The following SMYD3 variants were observed in gnomAD, a reference collection of about 807,000 sequenced individuals.
SMYD3 encodes the protein SET and MYND domain containing 3.
SMYD3 carries 36 observed loss-of-function variants against 57.7 expected under a neutral mutation model. That is an observed-to-expected ratio of 0.62 (90% CI 0.48 to 0.82). The LOEUF (loss-of-function observed/expected upper bound fraction) is 0.82, where lower values mean the gene tolerates loss of function less well. SMYD3 is among the 40% of genes least tolerant of loss of function. The pLI is 0.00. For synonymous variants in SMYD3, 211 were observed against 195.0 expected (o/e 1.08, Z -0.68); for missense variants, 515 against 538.8 (o/e 0.96, Z 0.44).
intron 1 of SMYD3, among the ~76,000 whole-genome samples, chr1:246,459,612 C>T (rs1449088633): frequency 1.3e-5 from 2 of 152,192 alleles, no homozygotes; most frequent in Non-Finnish European, 2.9e-5. Flanking sequence ...GCTTCCTGTA[C>T]AGCCTGCGGA....
rs35215737 is a variant in SMYD3, at chr1:245,833,059, CAA to C, written c.1076+25435_1076+25436del. On this transcript the variant is annotated intron_variant, in intron 10 of 11. Coordinates refer to ENST00000490107, the MANE Select transcript of SMYD3 (RefSeq NM_001167740.2). Reference sequence around the variant, plus strand: ...TTTAATTACTGCCCGGAATATGTGACAAAAAAAAAAAAAAAACCTGCTTTTAT... The same window carrying C: ...TTTAATTACTGCCCGGAATATGTGACAAAAAAAAAAAAAACCTGCTTTTAT... 3.2e-3 allele frequency among the ~76,000 whole-genome samples: 131 copies of C among 40,884 alleles called. 5 individuals are homozygous for C. The highest frequency in any genetic ancestry group is 4.5e-3 in the African/African-American group (72 of 15,994). 26.8% of individuals were successfully genotyped at this position (40,884 alleles called of 152,430 possible). A position where few individuals can be genotyped will look rare whatever the true frequency, so the allele number is the denominator to read the frequency against.
At position 246,223,699 on chromosome 1, in the gene SMYD3, T is replaced by G. The variant is rs143946412; in HGVS notation, c.531+103502A>C. ...ATTGAAGGGACACAAAGATTTGACCTAACCTTAGAGTCACTTTGTAGGACT... is the reference window on the plus strand; with the variant it reads ...ATTGAAGGGACACAAAGATTTGACCGAACCTTAGAGTCACTTTGTAGGACT... On this transcript the variant is annotated intron_variant, in intron 5 of 11. Coordinates refer to ENST00000490107, the MANE Select transcript of SMYD3 (RefSeq NM_001167740.2). Among the ~76,000 whole-genome samples, 15 of 152,250 alleles carry G rather than the reference T, an allele frequency of 9.9e-5. No individual in the cohort carries two copies. In the East Asian group the frequency reaches 2.9e-3, roughly 29 times the overall value.
At chr1:246,232,791 C>G (rs1309395047) in intron 5 of SMYD3, among the ~76,000 whole-genome samples, 1 of 135,600 alleles carries the variant, frequency 7.4e-6, no homozygotes, top group East Asian at 3.5e-4. Context: ...GAATATATAC[C>G]ACACAGAGAA....
At chr1:246,497,247 T>C (rs2068377882) in intron 1 of SMYD3, among the ~76,000 whole-genome samples, 1 of 152,208 alleles carries the variant, frequency 6.6e-6, no homozygotes, top group African/African-American at 2.4e-5. Flanking sequence ...AAAAACATGG[T>C]CATCATCAAT....
chr1:246,053,385 A>AG (rs2060094051), intron 5 of SMYD3, among the ~76,000 whole-genome samples: 1 of 152,046 alleles, frequency 6.6e-6, no homozygotes, highest in African/African-American at 2.4e-5. Context: ...TTTTAAAGAG[A>AG]GAAAAAAAAA....
chr1:246,249,053 G>A (rs550255566), intron 5 of SMYD3, among the ~76,000 whole-genome samples: 9 of 151,888 alleles, frequency 5.9e-5, no homozygotes, highest in Non-Finnish European at 1.0e-4. Flanking sequence ...TTTAAAATAG[G>A]TGATTACTGG....
rs1480725327 is a variant in SMYD3, at chr1:245,772,535, C to T, written c.1077-8386G>A. Among the ~76,000 whole-genome samples, 4 of 152,222 alleles carry T rather than the reference C, an allele frequency of 2.6e-5. No homozygotes were observed. The East Asian group carries it at 5.8e-4, about 22-fold the overall frequency. Reference sequence around the variant, plus strand: ...CTAGTCAGCCATGCTTGGTGTTGCACAGCTGTGGTCCCAGCTGCTTGGGAG... The same window carrying T: ...CTAGTCAGCCATGCTTGGTGTTGCATAGCTGTGGTCCCAGCTGCTTGGGAG... On this transcript the variant is annotated intron_variant, in intron 10 of 11. Coordinates refer to ENST00000490107, the MANE Select transcript of SMYD3 (RefSeq NM_001167740.2).
rs201958088 is a variant in SMYD3 at position 246,090,512 on chromosome 1, TTCTC to T, written c.532-160579_532-160576del. Among the ~76,000 whole-genome samples the T allele has an allele frequency of 4.5e-4, 48 of 105,678 alleles. 1 individual carries two copies. Among genetic ancestry groups the T allele is most frequent in the African/African-American group, 1.3e-3 (35 of 27,844 alleles). 69.3% of individuals were successfully genotyped at this position (105,678 alleles called of 152,430 possible). A position where few individuals can be genotyped will look rare whatever the true frequency, so the allele number is the denominator to read the frequency against. ...GAGAAAGAGAGAGAGCTGTTTTTCT[TTCTC>T]TCTCTCTTTTTTTTTTTTTTAGATG... On this transcript the variant is annotated intron_variant, in intron 5 of 11. Transcript: ENST00000490107.
In SMYD3 at chr1:245,929,909, T is replaced by A; in HGVS notation, c.560A>T (p.Asn187Ile). Residue 187 changes from asparagine to isoleucine, a missense_variant, in exon 6 of 12, where the codon AAT (asparagine) becomes ATT (isoleucine). Coordinates refer to ENST00000490107, the MANE Select transcript of SMYD3 (RefSeq NM_001167740.2). Reference sequence around the variant, plus strand: ...AACACCAACTTCCTGCATCTCCGCATTACAGATGGTGAAAGAGTTGCAGAT... The same window carrying A: ...AACACCAACTTCCTGCATCTCCGCAATACAGATGGTGAAAGAGTTGCAGAT... Reference protein sequence around the residue: ...KVICNSFTICNAEMQEVGVGL... With the variant: ...KVICNSFTICIAEMQEVGVGL... 1.2e-6 allele frequency: 2 copies of A among 1,613,836 alleles called. No homozygotes were observed. The highest frequency in any genetic ancestry group is 1.7e-6 in the Non-Finnish European group (2 of 1,179,822).
intron 7 of SMYD3, among the ~76,000 whole-genome samples, chr1:245,918,786 C>T (rs1330040920): frequency 2.6e-5 from 4 of 152,202 alleles, no homozygotes; most frequent in African/African-American, 7.2e-5. Context: ...CTTGGGTTAA[C>T]TCTAGGACAC....
intron 1 of SMYD3, among the ~76,000 whole-genome samples, chr1:246,409,786 TA>T (rs2066931808): frequency 6.6e-6 from 1 of 152,238 alleles, no homozygotes; most frequent in African/African-American, 2.4e-5. Context: ...TTTTTCATGA[TA>T]TTGATTCTTC....
chr1:245,872,678 G>A (rs1035709329), intron 8 of SMYD3, among the ~76,000 whole-genome samples: 1 of 152,184 alleles, frequency 6.6e-6, no homozygotes, highest in Admixed American at 6.5e-5. Context: ...TCCCACCGTC[G>A]CTGCCAGCAT....
At chr1:245,981,053 G>C (rs898903541) in intron 5 of SMYD3, among the ~76,000 whole-genome samples, 3 of 152,154 alleles carry the variant, frequency 2.0e-5, no homozygotes, top group African/African-American at 7.2e-5. Flanking sequence ...TCCCTAACTT[G>C]GAGTATCCCA....
chr1:245,897,340 G>A (rs1239648873), intron 8 of SMYD3, among the ~76,000 whole-genome samples: 1 of 152,088 alleles, frequency 6.6e-6, no homozygotes, highest in Non-Finnish European at 1.5e-5. Context: ...GAGAGGAAAG[G>A]GGTACCATTG....
chr1:246,242,225 C>T (rs9787382), intron 5 of SMYD3, among the ~76,000 whole-genome samples: 31,539 of 151,920 alleles, frequency 0.21, 3,984 homozygotes, highest in East Asian at 0.58. Context: ...CTTGTGGGCA[C>T]TTAATGCTCT....
At chr1:246,338,492 G>A (rs1480907500) in intron 2 of SMYD3, among the ~76,000 whole-genome samples, 1 of 152,058 alleles carries the variant, frequency 6.6e-6, no homozygotes, top group Admixed American at 6.5e-5. Flanking sequence ...TTCCAATACA[G>A]GATATAATTA....
chr1:245,830,477 A>T (rs149187365), intron 10 of SMYD3, among the ~76,000 whole-genome samples: 12,090 of 152,222 alleles, frequency 0.079, 787 homozygotes, highest in East Asian at 0.22. Context: ...TGCCCTTGAC[A>T]TGTGGGGATT....
chr1:246,474,817 C>G (rs574838914), intron 1 of SMYD3, among the ~76,000 whole-genome samples: 1 of 152,262 alleles, frequency 6.6e-6, no homozygotes, highest in Non-Finnish European at 1.5e-5. Context: ...TTCCCTCCCA[C>G]TTTCCAAGAA....
intron 5 of SMYD3, among the ~76,000 whole-genome samples, chr1:246,174,480 C>CCTGT (rs1478217268): frequency 6.6e-6 from 1 of 152,116 alleles, no homozygotes; most frequent in East Asian, 1.9e-4. Flanking sequence ...CAGGTCTGGC[C>CCTGT]CTGTCGCCCA....
Sources: allele counts gnomAD v4.1 joint callset (sites outside exome capture counted in the v4.1 genomes callset), GRCh38; gene constraint gnomAD v4.1.1; transcripts MANE v1.5; gene names NCBI Gene and HGNC (gene_info 2026-07-23, HGNC 2026-07-21).